Variants in SDCCAG8 observed in about 807,000 individuals in gnomAD.
The protein encoded by SDCCAG8 is SHH signaling and ciliogenesis regulator SDCCAG8.
Under a neutral mutation model 101.8 loss-of-function variants are expected in SDCCAG8, and 74 were observed. That is an observed-to-expected ratio of 0.73 (90% confidence interval 0.60 to 0.88). The LOEUF (loss-of-function observed/expected upper bound fraction) is 0.88. Ranked by LOEUF, SDCCAG8 falls within the 40% of genes least tolerant of loss-of-function variation. The pLI, the probability that SDCCAG8 is intolerant of heterozygous loss-of-function variation, is 0.00. For synonymous variants in SDCCAG8, 281 were observed against 292.9 expected (o/e 0.96, Z 0.41); for missense variants, 787 against 822.6 (o/e 0.96, Z 0.53).
intron 16 of SDCCAG8, among the ~76,000 whole-genome samples, chr1:243,450,650 C>T (rs778478128): frequency 1.3e-5 from 2 of 151,884 alleles, no homozygotes; most frequent in South Asian, 4.2e-4. Context: ...TGTTATATAA[C>T]CTGGTTTTGT....
intron 1 of SDCCAG8, chr1:243,267,707 C>A (rs2067738943): frequency 1.3e-6 from 1 of 792,640 alleles, no homozygotes; most frequent in East Asian, 2.4e-5. Flanking sequence ...TGCATAGGTT[C>A]CTGTGTGTGT....
intron 16 of SDCCAG8, among the ~76,000 whole-genome samples, chr1:243,427,873 C>T (rs904389875): frequency 2.0e-5 from 3 of 152,154 alleles, no homozygotes; most frequent in Non-Finnish European, 4.4e-5. Context: ...GGTCTGCAAA[C>T]GTTTTCCGTA....
chr1:243,298,048 CTTT>C (rs34885610), intron 6 of SDCCAG8, among the ~76,000 whole-genome samples: 5 of 137,860 alleles, frequency 3.6e-5, no homozygotes, highest in Non-Finnish European at 7.8e-5. Context: ...TATAGTTTCA[CTTT>C]TTTTTTTTTT....
rs1486365551 is a variant in SDCCAG8, at chr1:243,382,098, A to G, written c.1616+3235A>G. Among the ~76,000 whole-genome samples the G allele has an allele frequency of 3.3e-5, 5 of 152,230 alleles. No individual in the cohort carries two copies. The South Asian group carries it at 6.2e-4, about 19-fold the overall frequency. ...GATGGGAGAAAACAGAAACTCTACT[A>G]TCAGATTAGGTGTTTGGTAGGAGAT... On this transcript the variant is annotated intron_variant, in intron 13 of 17. Transcript: ENST00000366541.
At chr1:243,302,275 G>A (rs1028961280) in intron 6 of SDCCAG8, among the ~76,000 whole-genome samples, 2 of 151,984 alleles carry the variant, frequency 1.3e-5, no homozygotes, top group African/African-American at 2.4e-5. Context: ...AAAAAAGGAC[G>A]AAAATTATTT....
At chr1:243,494,758 T>C (rs577049421) in intron 17 of SDCCAG8, among the ~76,000 whole-genome samples, 20 of 152,378 alleles carry the variant, frequency 1.3e-4, no homozygotes, top group South Asian at 4.1e-4. Context: ...AGTCAGACAT[T>C]ACATTTCACA....
chr1:243,449,880 A>G (rs1558485314), intron 16 of SDCCAG8, among the ~76,000 whole-genome samples: 2 of 152,120 alleles, frequency 1.3e-5, no homozygotes, highest in Non-Finnish European at 2.9e-5. Flanking sequence ...CCACACTCCC[A>G]TCTTGGGATT....
chr1:243,347,082 T>C (rs373044496), intron 12 of SDCCAG8, among the ~76,000 whole-genome samples: 2 of 152,144 alleles, frequency 1.3e-5, no homozygotes, highest in Non-Finnish European at 2.9e-5. Flanking sequence ...CTATTCCATC[T>C]ATCTCACTTT....
intron 16 of SDCCAG8, among the ~76,000 whole-genome samples, chr1:243,457,517 A>G (rs2083853947): frequency 6.6e-6 from 1 of 152,172 alleles, no homozygotes; most frequent in South Asian, 2.1e-4. Context: ...GTGGCTTCCC[A>G]TTATTGACTA....
At chr1:243,412,150 G>C (rs528834520) in intron 13 of SDCCAG8, among the ~76,000 whole-genome samples, 5 of 152,188 alleles carry the variant, frequency 3.3e-5, no homozygotes, top group Non-Finnish European at 7.3e-5. Context: ...GTGCCTAGCA[G>C]AGTGCCTTTC....
intron 9 of SDCCAG8, among the ~76,000 whole-genome samples, chr1:243,317,876 A>G (rs1425421185): frequency 6.6e-6 from 1 of 152,194 alleles, no homozygotes; most frequent in Non-Finnish European, 1.5e-5. Context: ...GATATAGAGC[A>G]TTTTCATTAT....
intron 17 of SDCCAG8, among the ~76,000 whole-genome samples, chr1:243,495,659 C>T (rs1000117626): frequency 6.6e-6 from 1 of 152,228 alleles, no homozygotes; most frequent in Non-Finnish European, 1.5e-5. Context: ...GGGTGGCTGA[C>T]TGCCCCTCGG....
intron 16 of SDCCAG8, among the ~76,000 whole-genome samples, chr1:243,438,205 T>C (rs2082277534): frequency 6.6e-6 from 1 of 152,180 alleles, no homozygotes. Flanking sequence ...TGTTCAATAA[T>C]GAGTGCAGGT....
chr1:243,357,899 A>G (rs1324585920), intron 12 of SDCCAG8, among the ~76,000 whole-genome samples: 1 of 152,216 alleles, frequency 6.6e-6, no homozygotes, highest in Non-Finnish European at 1.5e-5. Flanking sequence ...CAGGTAAAAG[A>G]AAGAACTTGG....
In SDCCAG8 at chr1:243,378,826, C is replaced by A. The variant is rs2077759501; in HGVS notation, c.1579C>A (p.Leu527Met). Residue 527 changes from leucine to methionine, a missense_variant, in exon 13 of 18, where the codon CTG becomes ATG. By Grantham distance (15) the Leu-to-Met change is conservative. Transcript: ENST00000366541. Reference sequence around the variant, plus strand: ...AGAGGAGTGCCTGAGACTAACAGAACTGCTGGGCGAATCTGAGCACCAACT... The same window carrying A: ...AGAGGAGTGCCTGAGACTAACAGAAATGCTGGGCGAATCTGAGCACCAACT... ...AREECLRLTE[L>M]LGESEHQLHL... The A allele has an allele frequency of 6.2e-7, 1 of 1,613,972 alleles. No homozygotes were observed. The highest frequency in any genetic ancestry group is 1.3e-5 in the African/African-American group (1 of 74,916).
intron 12 of SDCCAG8, among the ~76,000 whole-genome samples, chr1:243,347,390 T>C (rs966984668): frequency 6.6e-6 from 1 of 152,236 alleles, no homozygotes; most frequent in African/African-American, 2.4e-5. Context: ...AAAATGTTGA[T>C]TTTACAGTTG....
At chr1:243,442,030 A>C (rs573902218) in intron 16 of SDCCAG8, among the ~76,000 whole-genome samples, 1 of 152,314 alleles carries the variant, frequency 6.6e-6, no homozygotes, top group African/African-American at 2.4e-5. Context: ...AAAGATGGAA[A>C]CTATTATAAT....
At chr1:243,448,518 C>CTT (rs1171379089) in intron 16 of SDCCAG8, among the ~76,000 whole-genome samples, 2 of 152,176 alleles carry the variant, frequency 1.3e-5, no homozygotes, top group Non-Finnish European at 2.9e-5. Context: ...ATGTGTAAGA[C>CTT]TTAACCCTTG....
intron 13 of SDCCAG8, among the ~76,000 whole-genome samples, chr1:243,382,536 G>A (rs2078023228): frequency 6.6e-6 from 1 of 152,186 alleles, no homozygotes; most frequent in Non-Finnish European, 1.5e-5. Context: ...TACCACACTT[G>A]AGTTGAATAT....
Sources: gnomAD v4.1 joint callset for allele counts (sites outside exome capture counted in the v4.1 genomes callset) on GRCh38, gnomAD v4.1.1 for gene constraint, MANE v1.5 for transcripts, NCBI Gene and HGNC (gene_info 2026-07-23, HGNC 2026-07-21) for gene names.